The following NFIA variants were observed in gnomAD, a reference collection of about 807,000 sequenced individuals.
NFIA encodes nuclear factor 1 A-type.
Under a neutral mutation model 62.8 loss-of-function variants are expected in NFIA, and 8 were observed. The observed-to-expected ratio is 0.13, with a 90% CI of 0.07 to 0.23. NFIA has a LOEUF of 0.23. Among genes scored for constraint, NFIA ranks in the 10% least tolerant of loss-of-function variants. NFIA has a pLI of 1.00. For missense variants in NFIA, 410 were observed against 642.1 expected (o/e 0.64, Z 3.91); for synonymous variants, 235 against 238.1 (o/e 0.99, Z 0.12).
At chr1:61,243,866 G>A (rs939565307) in intron 2 of NFIA, among the ~76,000 whole-genome samples, 1 of 152,138 alleles carries the variant, frequency 6.6e-6, no homozygotes, top group Non-Finnish European at 1.5e-5. Flanking sequence ...TATTCATTTT[G>A]CTGTTGTAGA....
chr1:61,412,031 A>G (rs1666128094), intron 9 of NFIA, among the ~76,000 whole-genome samples: 1 of 152,082 alleles, frequency 6.6e-6, no homozygotes, highest in Admixed American at 6.6e-5. Context: ...GCAGAGAGGT[A>G]ATGCCACCTA....
intron 2 of NFIA, among the ~76,000 whole-genome samples, chr1:61,112,299 A>C (rs377283655): frequency 6.6e-6 from 1 of 152,128 alleles, no homozygotes; most frequent in Non-Finnish European, 1.5e-5. Flanking sequence ...AACACACACA[A>C]CACTTTGGTT....
chr1:61,200,321 T>C (rs1282091465), intron 2 of NFIA, among the ~76,000 whole-genome samples: 4 of 151,734 alleles, frequency 2.6e-5, no homozygotes, highest in African/African-American at 9.7e-5. Context: ...AGTTAATCCA[T>C]GTAAAACACT....
intron 10 of NFIA, among the ~76,000 whole-genome samples, chr1:61,434,670 G>A (rs1253142689): frequency 6.6e-6 from 1 of 152,112 alleles, no homozygotes; most frequent in African/African-American, 2.4e-5. Flanking sequence ...GATCTTCTTA[G>A]TTGAAACAAA....
At chr1:61,158,159 C>T (rs1648940931) in intron 2 of NFIA, among the ~76,000 whole-genome samples, 1 of 152,138 alleles carries the variant, frequency 6.6e-6, no homozygotes, top group South Asian at 2.1e-4. Context: ...GGCAGAAAAG[C>T]CTTTTCATCT....
intron 2 of NFIA, among the ~76,000 whole-genome samples, chr1:61,218,731 A>G (rs1570401128): frequency 1.3e-5 from 2 of 152,206 alleles, no homozygotes; most frequent in African/African-American, 4.8e-5. Flanking sequence ...GTGGGCGTAT[A>G]GTATTTCATG....
At chr1:61,441,981 G>A (rs1667604454) in intron 10 of NFIA, among the ~76,000 whole-genome samples, 1 of 151,588 alleles carries the variant, frequency 6.6e-6, no homozygotes, top group South Asian at 2.1e-4. Context: ...TTGCATTGCA[G>A]TGACCTTTGT....
intron 7 of NFIA, among the ~76,000 whole-genome samples, chr1:61,395,350 TA>T (rs1289766070): frequency 6.6e-6 from 1 of 151,816 alleles, no homozygotes; most frequent in Non-Finnish European, 1.5e-5. Flanking sequence ...ACTTGGTCGT[TA>T]CGCAAGAAGC....
intron 2 of NFIA, among the ~76,000 whole-genome samples, chr1:61,128,868 AC>A (rs1355702362): frequency 1.4e-5 from 2 of 146,588 alleles, no homozygotes; most frequent in Admixed American, 6.9e-5. Flanking sequence ...AAGCTCACAG[AC>A]CCAGAAGAGT....
At chr1:61,331,191 G>T (rs1211235037) in intron 3 of NFIA, among the ~76,000 whole-genome samples, 2 of 151,904 alleles carry the variant, frequency 1.3e-5, no homozygotes, top group African/African-American at 4.8e-5. Context: ...CTAAAACTTG[G>T]AACTGTTTCA....
chr1:61,224,140 A>C (rs187016372), intron 2 of NFIA, among the ~76,000 whole-genome samples: 63 of 152,176 alleles, frequency 4.1e-4, no homozygotes, highest in African/African-American at 1.4e-3. Context: ...TTTTAATATT[A>C]GTTTAATATT....
chr1:61,235,649 C>T (rs1570428900), intron 2 of NFIA, among the ~76,000 whole-genome samples: 1 of 146,168 alleles, frequency 6.8e-6, no homozygotes, highest in East Asian at 2.0e-4. Flanking sequence ...GACCCCATCT[C>T]TTTAAAAAAA....
chr1:61,360,832 A>G (rs573556566), intron 6 of NFIA, among the ~76,000 whole-genome samples: 1 of 152,284 alleles, frequency 6.6e-6, no homozygotes, highest in South Asian at 2.1e-4. Flanking sequence ...CACAAAACAA[A>G]AACACCTCAG....
chr1:61,331,140 G>T (rs1661279791), intron 3 of NFIA, among the ~76,000 whole-genome samples: 18 of 152,016 alleles, frequency 1.2e-4, no homozygotes, highest in Admixed American at 1.2e-3. Context: ...GTAAAATTTT[G>T]CCATTTTATT....
intron 10 of NFIA, among the ~76,000 whole-genome samples, chr1:61,448,189 AGGC>A (rs1667903535): frequency 6.6e-6 from 1 of 151,890 alleles, no homozygotes; most frequent in African/African-American, 2.4e-5. Context: ...CCAACCTCCA[AGGC>A]GTGCAGTTTA....
At chr1:61,321,429 G>A (rs531946719) in intron 3 of NFIA, among the ~76,000 whole-genome samples, 51 of 151,842 alleles carry the variant, frequency 3.4e-4, no homozygotes, top group African/African-American at 1.0e-3. Flanking sequence ...GAGGGAGGAA[G>A]GAAGGAAAGG....
chr1:61,364,029 C>T (rs966210381), intron 6 of NFIA, among the ~76,000 whole-genome samples: 1 of 151,490 alleles, frequency 6.6e-6, no homozygotes, highest in African/African-American at 2.4e-5. Context: ...TCACTGCAAC[C>T]TCCACCTCCG....
At chr1:61,324,417 T>A (rs1318319502) in intron 3 of NFIA, among the ~76,000 whole-genome samples, 1 of 152,214 alleles carries the variant, frequency 6.6e-6, no homozygotes, top group Non-Finnish European at 1.5e-5. Context: ...TTCTTTTTGA[T>A]GAAATGACTG....
At chr1:61,366,814 T>G (rs1663617137) in intron 6 of NFIA, among the ~76,000 whole-genome samples, 1 of 152,022 alleles carries the variant, frequency 6.6e-6, no homozygotes, top group Non-Finnish European at 1.5e-5. Flanking sequence ...TCCCAGCTAC[T>G]AGGGAGGCTG....
Sources: allele counts gnomAD v4.1 joint callset (sites outside exome capture counted in the v4.1 genomes callset), GRCh38; gene constraint gnomAD v4.1.1; transcripts MANE v1.5; gene names NCBI Gene and HGNC (gene_info 2026-07-23, HGNC 2026-07-21).